The following NAV2 variants were observed in gnomAD, a reference collection of about 807,000 sequenced individuals.
The protein encoded by NAV2 is helicase, APC down-regulated 1.
In NAV2, 54 loss-of-function variants were observed where a neutral mutation model predicts 223.2. The ratio of observed to expected loss-of-function variants is 0.24; its 90% CI spans 0.19 to 0.30. The LOEUF (loss-of-function observed/expected upper bound fraction) is 0.30. Ranked by LOEUF, NAV2 falls within the 10% of genes least tolerant of loss-of-function variation. The pLI, the probability that NAV2 is intolerant of heterozygous loss-of-function variation, is 1.00. For missense variants in NAV2, 2,806 were observed against 3,147.5 expected, an observed-to-expected ratio of 0.89 and a Z score of 2.60; for synonymous variants, 1,279 against 1,239.3, an observed-to-expected ratio of 1.03 and a Z score of -0.67.
chr11:19,860,224 A>G, intron 3 of NAV2, among the ~76,000 whole-genome samples: 1 of 144,808 alleles, frequency 6.9e-6, no homozygotes, highest in African/African-American at 2.6e-5. Flanking sequence ...GACGCTCCTC[A>G]CTTCCCAGAC....
At position 19,939,746 on chromosome 11, in the gene NAV2, G is replaced by A. The variant is rs1260546396; in HGVS notation, c.2119G>A (p.Gly707Arg). 1.2e-6 allele frequency: 2 copies of A among 1,613,954 alleles called. No homozygotes were observed. Among genetic ancestry groups the A allele is most frequent in the East Asian group, 4.5e-5 (2 of 44,894 alleles). ...GGAGCCCAGCCACTTCACCAAGACT[G>A]GACAGCCTGCTCTGGAAGAACTCAC... Reference protein sequence around the residue: ...SVEPSHFTKTGQPALEELTGE... With the variant: ...SVEPSHFTKTRQPALEELTGE... Residue 707 changes from glycine to arginine, a missense_variant, in exon 8 of 38, where the codon GGA (glycine) becomes AGA (arginine). Coordinates refer to ENST00000349880, the MANE Select transcript of NAV2 (RefSeq NM_145117.5).
chr11:20,013,729 T>A (rs1464757500), intron 11 of NAV2, among the ~76,000 whole-genome samples: 1 of 152,122 alleles, frequency 6.6e-6, no homozygotes, highest in East Asian at 1.9e-4. Context: ...TCAAGGTCTG[T>A]CCCCAGTAGG....
chr11:19,635,361 A>G (rs1490424352), intron 1 of NAV2, among the ~76,000 whole-genome samples: 1 of 152,236 alleles, frequency 6.6e-6, no homozygotes, highest in African/African-American at 2.4e-5. Context: ...ACGACAGATT[A>G]TGAAAAGAGA....
At chr11:19,867,584 T>C (rs2062176894) in intron 3 of NAV2, among the ~76,000 whole-genome samples, 1 of 152,188 alleles carries the variant, frequency 6.6e-6, no homozygotes, top group Non-Finnish European at 1.5e-5. Context: ...TTGCAGCAAA[T>C]TGCATTCTGC....
At chr11:19,982,085 C>A (rs2153450058) in intron 10 of NAV2, among the ~76,000 whole-genome samples, 1 of 152,200 alleles carries the variant, frequency 6.6e-6, no homozygotes, top group African/African-American at 2.4e-5. Context: ...TCTCTGCCTG[C>A]AAAGAGCTTA....
chr11:19,807,526 T>A (rs1182211275), intron 1 of NAV2, among the ~76,000 whole-genome samples: 1 of 152,222 alleles, frequency 6.6e-6, no homozygotes, highest in Non-Finnish European at 1.5e-5. Flanking sequence ...CTTGCCCCAA[T>A]GGTGGGGGCT....
chr11:19,613,008 G>T (rs899655179), intron 1 of NAV2, among the ~76,000 whole-genome samples: 8 of 152,148 alleles, frequency 5.3e-5, no homozygotes, highest in Non-Finnish European at 8.8e-5. Flanking sequence ...AAGGCAAAAG[G>T]TGCTTCTTAA....
At chr11:19,544,990 C>T (rs1466155862) in intron 1 of NAV2, among the ~76,000 whole-genome samples, 1 of 152,206 alleles carries the variant, frequency 6.6e-6, no homozygotes, top group Non-Finnish European at 1.5e-5. Flanking sequence ...GTAAATGTCC[C>T]ACTCTCCACC....
At chr11:20,097,309 A>C (rs748145775) in intron 30 of NAV2, among the ~76,000 whole-genome samples, 1 of 152,184 alleles carries the variant, frequency 6.6e-6, no homozygotes, top group Non-Finnish European at 1.5e-5. Flanking sequence ...TGCTTGGTTC[A>C]TCCAGACTAA....
intron 1 of NAV2, among the ~76,000 whole-genome samples, chr11:19,748,778 G>A (rs984472004): frequency 6.6e-6 from 1 of 152,248 alleles, no homozygotes; most frequent in African/African-American, 2.4e-5. Flanking sequence ...ACTTCACAGA[G>A]AGGTGCAGAC....
chr11:19,748,557 G>C (rs910902446), intron 1 of NAV2, among the ~76,000 whole-genome samples: 1 of 152,224 alleles, frequency 6.6e-6, no homozygotes, highest in Admixed American at 6.5e-5. Context: ...GGCCAGGCTT[G>C]TCTTGTTCTC....
chr11:19,959,035 A>G (rs1355233143), intron 10 of NAV2, among the ~76,000 whole-genome samples: 1 of 152,190 alleles, frequency 6.6e-6, no homozygotes, highest in Non-Finnish European at 1.5e-5. Flanking sequence ...CAAAGGAGAC[A>G]GAGAAGATAA....
chr11:19,346,702 C>T (rs375610377), upstream of NAV2, among the ~76,000 whole-genome samples: 3 of 152,210 alleles, frequency 2.0e-5, no homozygotes, highest in African/African-American at 7.2e-5. Flanking sequence ...GGTCTGCCCT[C>T]CCTCCCCTGT....
chr11:19,898,830 G>A (rs969901056), intron 6 of NAV2, among the ~76,000 whole-genome samples: 6 of 151,878 alleles, frequency 4.0e-5, no homozygotes, highest in Admixed American at 3.3e-4. Flanking sequence ...CACTGTCTTC[G>A]GCAAAAAATA....
chr11:19,984,906 G>A (rs1048794768), intron 11 of NAV2, among the ~76,000 whole-genome samples: 1 of 152,188 alleles, frequency 6.6e-6, no homozygotes, highest in Non-Finnish European at 1.5e-5. Flanking sequence ...ATGAAGTGAG[G>A]AGTTTGGACT....
rs774222514 is a variant in NAV2, at chr11:19,933,344, A to C, written c.1100A>C (p.His367Pro). The stretch of plus-strand genomic sequence containing the variant: ...CGCAGCAAATCCCTCAGCGTGAAGC[A>C]CAGTGCCACGGTATCCATGCTCTCG... ...PWRSKSLSVK[H>P]SATVSMLSVK... The change falls in exon 7 of 38, where the codon CAC (histidine) becomes CCC (proline). Residue 367 changes from histidine to proline, a missense_variant. His to Pro is a moderately conservative substitution (Grantham distance 77). This residue lies in a region of NAV2 where 1,167 missense variants were observed against 1,180.5 expected (regional missense o/e 0.99). Transcript: ENST00000349880. The surrounding 1 kb of genome is among the most constrained non-coding windows in gnomAD (Gnocchi z 4.3). The C allele has an allele frequency of 8.1e-6, 13 of 1,610,578 alleles. No homozygotes were observed. The highest frequency in any genetic ancestry group is 1.1e-5 in the Non-Finnish European group (13 of 1,178,184).
intron 10 of NAV2, among the ~76,000 whole-genome samples, chr11:19,960,217 T>G (rs1255899733): frequency 3.3e-5 from 5 of 152,144 alleles, no homozygotes; most frequent in African/African-American, 1.2e-4. Context: ...TTCAAGGTTC[T>G]TACCAGGGGC....
chr11:20,009,776 C>T (rs2053412930), intron 11 of NAV2, among the ~76,000 whole-genome samples: 1 of 152,168 alleles, frequency 6.6e-6, no homozygotes, highest in African/African-American at 2.4e-5. Flanking sequence ...CCCAAACCAT[C>T]CTTTTTCTTG....
intron 6 of NAV2, among the ~76,000 whole-genome samples, chr11:19,898,434 G>A (rs1028748075): frequency 1.3e-5 from 2 of 152,114 alleles, no homozygotes; most frequent in African/African-American, 4.8e-5. Flanking sequence ...CAGAAGCTCT[G>A]TACCCGTACA....
Sources: allele counts gnomAD v4.1 joint callset (sites outside exome capture counted in the v4.1 genomes callset), GRCh38; gene constraint gnomAD v4.1.1; regional missense constraint gnomAD v4.1.1; non-coding constraint Gnocchi (gnomAD v3.1); transcripts MANE v1.5; gene names NCBI Gene and HGNC (gene_info 2026-07-23, HGNC 2026-07-21).